KCNIP4: variants seen among roughly 807,000 people sequenced by gnomAD.
KCNIP4 encodes the protein potassium voltage-gated channel interacting protein 4, also known as Kv channel-interacting protein 4.
Under a neutral mutation model 34.0 loss-of-function variants are expected in KCNIP4, and 12 were observed. The observed-to-expected ratio is 0.35, with a 90% CI of 0.23 to 0.57. The LOEUF is 0.57. Among genes scored for constraint, KCNIP4 ranks in the 20% least tolerant of loss-of-function variants. KCNIP4 has a pLI of 0.83. For synonymous variants in KCNIP4, 124 were observed against 102.2 expected (o/e 1.21, Z -1.29); for missense variants, 238 against 311.7 (o/e 0.76, Z 1.78).
At chr4:21,709,594 T>A (rs1482554835) in intron 1 of KCNIP4, among the ~76,000 whole-genome samples, 9 of 152,134 alleles carry the variant, frequency 5.9e-5, no homozygotes, top group Non-Finnish European at 1.3e-4. Flanking sequence ...AAAGAGAAGA[T>A]GCAAATAATT....
intron 1 of KCNIP4, among the ~76,000 whole-genome samples, chr4:21,277,881 G>A (rs1303128393): frequency 2.6e-5 from 4 of 152,098 alleles, no homozygotes; most frequent in Non-Finnish European, 4.4e-5. Flanking sequence ...ACAGCACCTG[G>A]ATAAAGATAA....
chr4:20,931,448 A>G (rs1730462801), intron 1 of KCNIP4, among the ~76,000 whole-genome samples: 1 of 152,110 alleles, frequency 6.6e-6, no homozygotes, highest in Non-Finnish European at 1.5e-5. Context: ...CCGAAATGGT[A>G]TATACTACTA....
intron 1 of KCNIP4, among the ~76,000 whole-genome samples, chr4:21,519,644 G>A (rs1219899933): frequency 7.0e-6 from 1 of 142,046 alleles, no homozygotes; most frequent in Non-Finnish European, 1.5e-5. Context: ...ACAAATGTGT[G>A]TGTATGTATG....
At chr4:21,754,160 T>A (rs1222260868) in intron 1 of KCNIP4, among the ~76,000 whole-genome samples, 1 of 152,216 alleles carries the variant, frequency 6.6e-6, no homozygotes, top group Admixed American at 6.5e-5. Context: ...TGTGTCGTTT[T>A]TTTCTTAATT....
At chr4:21,948,542 C>T (rs773867569) in intron 1 of KCNIP4, 29 bp downstream of exon 1, 1 of 1,603,352 alleles carries the variant, frequency 6.2e-7, no homozygotes, top group Non-Finnish European at 8.5e-7. Flanking sequence ...CGGAAGCGGG[C>T]GCCCGCTCGC....
chr4:21,074,744 G>A (rs1577646383), intron 1 of KCNIP4, among the ~76,000 whole-genome samples: 2 of 151,706 alleles, frequency 1.3e-5, no homozygotes, highest in South Asian at 2.1e-4. Context: ...TGTCAATTTT[G>A]GATCTTTCCT....
At chr4:21,492,339 C>T (rs1732482671) in intron 1 of KCNIP4, among the ~76,000 whole-genome samples, 1 of 152,150 alleles carries the variant, frequency 6.6e-6, no homozygotes, top group Non-Finnish European at 1.5e-5. Context: ...TCACCTCAGC[C>T]TCCCCAGTAG....
At chr4:21,630,455 C>CAA (rs11326754) in intron 1 of KCNIP4, among the ~76,000 whole-genome samples, 1 of 140,540 alleles carries the variant, frequency 7.1e-6, no homozygotes, top group Non-Finnish European at 1.6e-5. Context: ...GAGATTCCAT[C>CAA]AAAAAAAAAA....
chr4:20,979,335 C>T (rs1457070369), intron 1 of KCNIP4, among the ~76,000 whole-genome samples: 1 of 151,966 alleles, frequency 6.6e-6, no homozygotes, highest in Non-Finnish European at 1.5e-5. Flanking sequence ...GGATTTTTGT[C>T]CTTCCAATCT....
chr4:21,732,971 A>G (rs959804876), intron 1 of KCNIP4, among the ~76,000 whole-genome samples: 2 of 152,202 alleles, frequency 1.3e-5, no homozygotes, highest in Admixed American at 6.5e-5. Flanking sequence ...TATTAAAGAT[A>G]ACATGTTTTA....
At chr4:20,962,045 T>C (rs1188006361) in intron 1 of KCNIP4, among the ~76,000 whole-genome samples, 2 of 152,194 alleles carry the variant, frequency 1.3e-5, no homozygotes, top group Non-Finnish European at 2.9e-5. Flanking sequence ...TTCTTCCTCC[T>C]TGGGGAGGAA....
chr4:20,966,817 T>G (rs1734392387), intron 1 of KCNIP4, among the ~76,000 whole-genome samples: 2 of 152,194 alleles, frequency 1.3e-5, no homozygotes, highest in South Asian at 4.1e-4. Flanking sequence ...GTTACAATAC[T>G]AGGCACTTTT....
At chr4:21,740,798 G>T (rs1716347007) in intron 1 of KCNIP4, among the ~76,000 whole-genome samples, 1 of 152,132 alleles carries the variant, frequency 6.6e-6, no homozygotes, top group African/African-American at 2.4e-5. Flanking sequence ...ATGCTACATA[G>T]CTACTCTACC....
chr4:21,694,923 A>AT (rs1318812785), intron 1 of KCNIP4, among the ~76,000 whole-genome samples: 5 of 93,470 alleles, frequency 5.3e-5, no homozygotes, highest in African/African-American at 1.6e-4. Context: ...CCAAAAAAAA[A>AT]AAAAAAATAA....
chr4:21,538,263 A>T (rs1737379745), intron 1 of KCNIP4, among the ~76,000 whole-genome samples: 1 of 152,110 alleles, frequency 6.6e-6, no homozygotes, highest in Non-Finnish European at 1.5e-5. Context: ...GAAGTGTCAG[A>T]TAGTAAATTT....
At chr4:20,825,045 A>G (rs1277031294) in intron 3 of KCNIP4, among the ~76,000 whole-genome samples, 1 of 152,146 alleles carries the variant, frequency 6.6e-6, no homozygotes, top group African/African-American at 2.4e-5. Flanking sequence ...TACTCTTTAC[A>G]GCATGTTGAA....
At chr4:21,188,900 T>TA (rs924810462) in intron 1 of KCNIP4, among the ~76,000 whole-genome samples, 2 of 152,180 alleles carry the variant, frequency 1.3e-5, no homozygotes, top group African/African-American at 4.8e-5. Flanking sequence ...AGGCACATAG[T>TA]AGAACCTCAA....
chr4:21,348,913 G>A (rs1717729418), intron 1 of KCNIP4, among the ~76,000 whole-genome samples: 1 of 152,078 alleles, frequency 6.6e-6, no homozygotes, highest in Non-Finnish European at 1.5e-5. Context: ...ATCAAGTTGG[G>A]TTTTGATAGT....
At position 21,339,809 on chromosome 4, in the gene KCNIP4, T is replaced by C. The variant is rs138841325; in HGVS notation, c.62-457100A>G. On this transcript the variant is annotated intron_variant, in intron 1 of 8. Coordinates refer to ENST00000382152, the MANE Select transcript of KCNIP4 (RefSeq NM_025221.6). ...ATGTATGTTGAGTTTGACATCCCAA[T>C]AGAATATCTCTGAGAAAATATTCAG... Among the ~76,000 whole-genome samples the C allele has an allele frequency of 1.2e-4, 18 of 152,316 alleles. No individual in the cohort carries two copies. In the East Asian group the frequency reaches 3.5e-3, roughly 29 times the overall value.
Sources: gnomAD v4.1 joint callset for allele counts (sites outside exome capture counted in the v4.1 genomes callset) on GRCh38, gnomAD v4.1.1 for gene constraint, MANE v1.5 for transcripts, NCBI Gene and HGNC (gene_info 2026-07-23, HGNC 2026-07-21) for gene names.